Variants in MACROD2 observed in about 807,000 individuals in gnomAD.
MACROD2 encodes ADP-ribose glycohydrolase MACROD2.
A neutral mutation model predicts 70.4 loss-of-function variants in MACROD2; 36 were observed. That is an observed-to-expected ratio of 0.51 (90% CI 0.39 to 0.68). The LOEUF (loss-of-function observed/expected upper bound fraction) is 0.68. Among genes scored for constraint, MACROD2 ranks in the 30% least tolerant of loss-of-function variants. The pLI is 0.00. For missense variants in MACROD2, 496 were observed against 538.4 expected, an observed-to-expected ratio of 0.92 and a Z score of 0.78; for synonymous variants, 172 against 178.8, an observed-to-expected ratio of 0.96 and a Z score of 0.30.
At chr20:15,707,973 G>A (rs2050561611) in intron 8 of MACROD2, among the ~76,000 whole-genome samples, 1 of 151,826 alleles carries the variant, frequency 6.6e-6, no homozygotes, top group Non-Finnish European at 1.5e-5. Flanking sequence ...CTCAGTTGTG[G>A]AGAGGGACGC....
At chr20:15,003,284 A>C (rs1179992079) in intron 5 of MACROD2, among the ~76,000 whole-genome samples, 2 of 152,210 alleles carry the variant, frequency 1.3e-5, no homozygotes, top group Non-Finnish European at 2.9e-5. Flanking sequence ...AGGATATGAA[A>C]CAACAGTAAG....
chr20:14,545,855 C>T (rs1600368936), intron 4 of MACROD2, among the ~76,000 whole-genome samples: 1 of 151,670 alleles, frequency 6.6e-6, no homozygotes, highest in East Asian at 1.9e-4. Context: ...AGCCATAAAC[C>T]AGTATTTACA....
chr20:14,974,579 GAAAT>G (rs961637339), intron 5 of MACROD2, among the ~76,000 whole-genome samples: 2 of 152,092 alleles, frequency 1.3e-5, no homozygotes, highest in African/African-American at 4.8e-5. Context: ...ATTGACAAGG[GAAAT>G]AAATAATTAC....
chr20:15,286,295 T>C (rs2077490766), intron 6 of MACROD2, among the ~76,000 whole-genome samples: 1 of 151,966 alleles, frequency 6.6e-6, no homozygotes, highest in Non-Finnish European at 1.5e-5. Context: ...TAGAATGAAA[T>C]TACCATGAAA....
chr20:15,331,115 C>T (rs894067327), intron 6 of MACROD2, among the ~76,000 whole-genome samples: 13 of 151,542 alleles, frequency 8.6e-5, no homozygotes, highest in Non-Finnish European at 8.8e-5. Flanking sequence ...GTAACACATG[C>T]GAATGTGTTC....
intron 5 of MACROD2, among the ~76,000 whole-genome samples, chr20:15,091,961 C>T (rs1601060915): frequency 6.6e-6 from 1 of 151,992 alleles, no homozygotes; most frequent in Non-Finnish European, 1.5e-5. Context: ...ATACTGAGTT[C>T]TTTGTAAGTG....
chr20:15,487,399 T>G (rs1486309540), intron 7 of MACROD2, among the ~76,000 whole-genome samples: 1 of 152,238 alleles, frequency 6.6e-6, no homozygotes, highest in African/African-American at 2.4e-5. Flanking sequence ...AAATGAGTTT[T>G]AGGATGATGT....
chr20:14,644,073 T>C (rs561852539), intron 4 of MACROD2, among the ~76,000 whole-genome samples: 173 of 152,296 alleles, frequency 1.1e-3, no homozygotes, highest in Non-Finnish European at 1.2e-3. Context: ...TTAATAAAAA[T>C]ATATAATTCT....
chr20:15,211,048 A>G (rs2076759374), intron 5 of MACROD2, among the ~76,000 whole-genome samples: 1 of 152,180 alleles, frequency 6.6e-6, no homozygotes, highest in Non-Finnish European at 1.5e-5. Flanking sequence ...CTAATTCCAG[A>G]ATATTTTTGT....
At chr20:15,467,460 C>A (rs1223167447) in intron 7 of MACROD2, among the ~76,000 whole-genome samples, 1 of 152,200 alleles carries the variant, frequency 6.6e-6, no homozygotes, top group African/African-American at 2.4e-5. Context: ...GTTAATCTTT[C>A]CTACCTCTCC....
intron 3 of MACROD2, among the ~76,000 whole-genome samples, chr20:14,265,514 T>C (rs2082136749): frequency 6.8e-6 from 1 of 147,602 alleles, no homozygotes; most frequent in South Asian, 2.1e-4. Context: ...TCACATTTTT[T>C]ACAATAAATT....
intron 8 of MACROD2, among the ~76,000 whole-genome samples, chr20:15,820,921 T>C (rs1384489465): frequency 1.3e-5 from 2 of 152,212 alleles, no homozygotes; most frequent in Admixed American, 1.3e-4. Context: ...CACCTAAATA[T>C]GTTGTACTCA....
intron 6 of MACROD2, among the ~76,000 whole-genome samples, chr20:15,310,146 G>C (rs2146145045): frequency 6.6e-6 from 1 of 152,340 alleles, no homozygotes; most frequent in South Asian, 2.1e-4. Flanking sequence ...TTGTTGTACA[G>C]ATTCAATGGG....
chr20:15,228,239 G>T (rs562086828), intron 5 of MACROD2, among the ~76,000 whole-genome samples: 3 of 151,718 alleles, frequency 2.0e-5, no homozygotes, highest in Admixed American at 6.6e-5. Context: ...CTTCTATATT[G>T]TAGTGGTTCT....
intron 3 of MACROD2, among the ~76,000 whole-genome samples, chr20:14,264,215 T>C (rs1222821158): frequency 2.0e-5 from 3 of 152,238 alleles, no homozygotes; most frequent in East Asian, 1.9e-4. Flanking sequence ...CAGGAATACA[T>C]GTCCACAGGA....
intron 4 of MACROD2, among the ~76,000 whole-genome samples, chr20:14,644,700 C>T (rs190990590): frequency 6.6e-4 from 101 of 152,274 alleles, no homozygotes; most frequent in Middle Eastern, 3.4e-3. Flanking sequence ...TGGTGCTGAT[C>T]GTAGTGTACA....
chr20:15,894,118 T>C (rs940884902), intron 10 of MACROD2: 3 of 364,434 alleles, frequency 8.2e-6, no homozygotes, highest in Admixed American at 7.4e-5. Context: ...GCTGTCAGCT[T>C]ACTTCTCTCC....
chr20:15,605,053 ATTT>A (rs11470138), intron 8 of MACROD2, among the ~76,000 whole-genome samples: 83,262 of 151,728 alleles, frequency 0.55, 25,173 homozygotes, highest in African/African-American at 0.83. Context: ...CCTTTAAGTG[ATTT>A]TTTTTGTTCT....
chr20:16,011,137 A>C (rs922292276), intron 15 of MACROD2, among the ~76,000 whole-genome samples: 1 of 152,184 alleles, frequency 6.6e-6, no homozygotes, highest in Non-Finnish European at 1.5e-5. Context: ...TGAGCTGGGA[A>C]TCTGAAGAAG....
Sources: allele counts gnomAD v4.1 joint callset (sites outside exome capture counted in the v4.1 genomes callset), GRCh38; gene constraint gnomAD v4.1.1; transcripts MANE v1.5; gene names NCBI Gene and HGNC (gene_info 2026-07-23, HGNC 2026-07-21).